MMS19: variants seen among roughly 807,000 people sequenced by gnomAD.
The protein encoded by MMS19 is MMS19 nucleotide excision repair protein homolog.
Under a neutral mutation model 129.8 loss-of-function variants are expected in MMS19, and 77 were observed. The ratio of observed to expected loss-of-function variants is 0.59; its 90% CI spans 0.49 to 0.72. The LOEUF (loss-of-function observed/expected upper bound fraction) is 0.72. Ranked by LOEUF, MMS19 falls within the 30% of genes least tolerant of loss-of-function variation. MMS19 has a pLI of 0.00. For synonymous variants in MMS19, 491 were observed against 502.8 expected (o/e 0.98, Z 0.31); for missense variants, 1,168 against 1,266.3 (o/e 0.92, Z 1.18).
intron 12 of MMS19, among the ~76,000 whole-genome samples, 193 bp from the exon 13 acceptor site, chr10:97,468,599 G>A (rs1335829767): frequency 8.5e-5 from 13 of 152,088 alleles, no homozygotes; most frequent in Non-Finnish European, 1.9e-4. Flanking sequence ...AAGGTCACTG[G>A]CCCTTAAGGA....
chr10:97,497,136 G>C (rs1209789581), intron 1 of MMS19, among the ~76,000 whole-genome samples: 2 of 152,138 alleles, frequency 1.3e-5, no homozygotes, highest in Non-Finnish European at 2.9e-5. Context: ...TCCAAACTAC[G>C]CTGCACACAC....
intron 19 of MMS19, 42 bp downstream of exon 19, chr10:97,463,816 G>A (rs1357840037): frequency 6.3e-7 from 1 of 1,585,968 alleles, no homozygotes; most frequent in South Asian, 1.1e-5. Flanking sequence ...ACCAGCAGAG[G>A]GCAAAGTTCC....
In MMS19 at chr10:97,458,841, C is replaced by T; in HGVS notation, c.3024G>A (p.Lys1008=). ...ACACTGCTTCCTTGCGCACCAGTCT[C>T]TTCTTGTCATCCAGGGGTTTGGCTA... is the stretch of plus-strand genomic sequence containing the variant. ...RALAKPLDDK[K]RLVRKEAVSA... is the part of the protein sequence containing the mutation. The change falls in exon 30 of 31, where the codon AAG becomes AAA. Residue 1008 remains lysine (K), a synonymous_variant. Transcript: ENST00000438925. 9 of 1,614,036 alleles carry T rather than the reference C, an allele frequency of 5.6e-6. No individual in the cohort carries two copies. The highest frequency in any genetic ancestry group is 7.6e-6 in the Non-Finnish European group (9 of 1,179,902).
chr10:97,468,691 G>A (rs1589628436), intron 12 of MMS19, among the ~76,000 whole-genome samples: 2 of 151,940 alleles, frequency 1.3e-5, no homozygotes, highest in Admixed American at 6.6e-5. Context: ...TCAGCTCACC[G>A]CAACCTCTGC....
chr10:97,486,408 T>G (rs2135495079), intron 1 of MMS19, among the ~76,000 whole-genome samples: 1 of 152,314 alleles, frequency 6.6e-6, no homozygotes, highest in East Asian at 1.9e-4. Flanking sequence ...CTTGAACTAC[T>G]GACCTCAGGT....
chr10:97,459,099 G>A (rs2030815325), intron 29 of MMS19, 124 bp downstream of exon 29: 2 of 1,049,738 alleles, frequency 1.9e-6, no homozygotes, highest in Non-Finnish European at 2.7e-6. Context: ...TACAAGATCT[G>A]TACCTTGTAA....
chr10:97,473,792 C>T (rs973884759), intron 8 of MMS19, among the ~76,000 whole-genome samples: 15 of 151,938 alleles, frequency 9.9e-5, no homozygotes, highest in Non-Finnish European at 1.8e-4. Flanking sequence ...TGTTTTTGTG[C>T]AGTAACAGCA....
chr10:97,489,607 A>G (rs757632754), intron 1 of MMS19, among the ~76,000 whole-genome samples: 2 of 152,224 alleles, frequency 1.3e-5, no homozygotes, highest in African/African-American at 2.4e-5. Context: ...TCAGATTTCA[A>G]TAGTTTCTCC....
At chr10:97,494,441 G>A (rs2039456684) in intron 1 of MMS19, among the ~76,000 whole-genome samples, 1 of 152,178 alleles carries the variant, frequency 6.6e-6, no homozygotes, top group South Asian at 2.1e-4. Context: ...GGATGAGAAG[G>A]AGCAGGAGAG....
At position 97,461,489 on chromosome 10, in the gene MMS19, T is replaced by C. The variant is rs1432623203; in HGVS notation, c.2311+7A>G. The C allele has an allele frequency of 6.2e-7, 1 of 1,607,024 alleles. No individual in the cohort carries two copies. Among genetic ancestry groups the C allele is most frequent in the Non-Finnish European group, 8.5e-7 (1 of 1,176,810 alleles). ...GGGAGGCTCCTTACATAGTCTGATCTCAGTACCTGCAGGGTGCTTGTTGAG... is the reference window on the plus strand; with the variant it reads ...GGGAGGCTCCTTACATAGTCTGATCCCAGTACCTGCAGGGTGCTTGTTGAG... On this transcript the variant is annotated splice_region_variant and intron_variant, in intron 23 of 30. Coordinates refer to ENST00000438925, the MANE Select transcript of MMS19 (RefSeq NM_022362.5).
intron 19 of MMS19, chr10:97,462,894 T>C: frequency 1.8e-6 from 1 of 556,796 alleles, no homozygotes; most frequent in Non-Finnish European, 3.2e-6. Flanking sequence ...TCCTGAGAAC[T>C]CTGCACAGTC....
intron 4 of MMS19, 91 bp downstream of exon 4, chr10:97,478,213 G>C: frequency 9.8e-7 from 1 of 1,018,954 alleles, no homozygotes. Context: ...CTGCTCCTCA[G>C]CATGTGAACC....
chr10:97,462,220 C>G (rs2032178402), intron 20 of MMS19, 101 bp from the exon 21 acceptor site: 1 of 784,850 alleles, frequency 1.3e-6, no homozygotes, highest in African/African-American at 1.7e-5. Context: ...TTAGGATCAC[C>G]ACGTCAATGG....
chr10:97,467,845 T>C (rs1243686750), intron 13 of MMS19, among the ~76,000 whole-genome samples: 1 of 151,580 alleles, frequency 6.6e-6, no homozygotes, highest in Non-Finnish European at 1.5e-5. Context: ...TTTTTTTTTT[T>C]TTTGTAGAGA....
At chr10:97,476,142 G>A (rs1189422432) in intron 8 of MMS19, among the ~76,000 whole-genome samples, 1 of 152,222 alleles carries the variant, frequency 6.6e-6, no homozygotes, top group Admixed American at 6.5e-5. Context: ...CAGAATGGGA[G>A]GAAGGCCCAA....
chr10:97,482,042 G>A (rs2036901812), intron 2 of MMS19, among the ~76,000 whole-genome samples: 1 of 152,192 alleles, frequency 6.6e-6, no homozygotes, highest in Non-Finnish European at 1.5e-5. Flanking sequence ...TGGGCATGGT[G>A]GCACAAGCCT....
intron 1 of MMS19, among the ~76,000 whole-genome samples, chr10:97,486,861 C>CTATATA (rs1564694696): frequency 2.6e-4 from 4 of 15,596 alleles, no homozygotes; most frequent in African/African-American, 5.5e-4. Context: ...AATTAAAGTG[C>CTATATA]CATATATATA....
chr10:97,460,874 TCTGGC>T, intron 24 of MMS19, 28 bp downstream of exon 24: 1 of 1,548,868 alleles, frequency 6.5e-7, no homozygotes, highest in Non-Finnish European at 8.8e-7. Context: ...TAATTGCCTC[TCTGGC>T]TAACCAGACT....
chr10:97,477,182 CT>C, intron 6 of MMS19, 164 bp downstream of exon 6: 5 of 1,480,624 alleles, frequency 3.4e-6, no homozygotes, highest in Non-Finnish European at 4.5e-6. Context: ...AAACTCTACC[CT>C]TTCTTTACTT....
Sources: allele counts gnomAD v4.1 joint callset (sites outside exome capture counted in the v4.1 genomes callset), GRCh38; gene constraint gnomAD v4.1.1; transcripts MANE v1.5; gene names NCBI Gene and HGNC (gene_info 2026-07-23, HGNC 2026-07-21).